Variants in ARIH1 observed in about 807,000 individuals in gnomAD.
ARIH1 encodes E3 ubiquitin-protein ligase ARIH1.
ARIH1 carries 8 observed loss-of-function variants against 85.0 expected under a neutral mutation model. The ratio of observed to expected loss-of-function variants is 0.09; its 90% CI spans 0.06 to 0.17. The LOEUF (loss-of-function observed/expected upper bound fraction) is 0.17. ARIH1 is among the 10% of genes least tolerant of loss of function. ARIH1 has a pLI of 1.00. For synonymous variants in ARIH1, 238 were observed against 253.6 expected, an observed-to-expected ratio of 0.94 and a Z score of 0.59; for missense variants, 311 against 718.1, an observed-to-expected ratio of 0.43 and a Z score of 6.48.
In ARIH1 at chr15:72,474,595, C is replaced by G; in HGVS notation, c.-45C>G. 2.0e-6 allele frequency: 3 copies of G among 1,491,720 alleles called. No individual in the cohort carries two copies. The highest frequency in any genetic ancestry group is 2.7e-6 in the Non-Finnish European group (3 of 1,123,828). The allele number at this position is 1,491,720 out of a possible 1,614,324, so 92.4% of individuals were successfully genotyped here. On this transcript the variant is annotated 5_prime_UTR_variant, in exon 1 of 14. Transcript: ENST00000379887. ...GCCGGGGCCTCGGCGTCCCCGCCCT[C>G]TCCCCGCCTCGGCCAGCGTCCGCCG...
rs1468313897 is a variant in ARIH1 at position 72,581,008 on chromosome 15, G to T, written c.1476+17G>T. ...ATCTTTGAGGTAGGAGTAGTTCTGG[G>T]TGAGGAAAAAGCCCACCTTGTATCA... On this transcript the variant is annotated intron_variant, in intron 12 of 13. Coordinates refer to ENST00000379887, the MANE Select transcript of ARIH1 (RefSeq NM_005744.5). The T allele has an allele frequency of 1.2e-6, 2 of 1,605,394 alleles. No homozygotes were observed. The highest frequency in any genetic ancestry group is 1.7e-6 in the Non-Finnish European group (2 of 1,174,288).
rs891038158 is a variant in ARIH1, at chr15:72,601,965, C to T, written c.*18673C>T. ...TTTTTATTAATACAGATACTATATG[C>T]ATTTTCTGCACTTTATCTGTTAATA... On this transcript the variant is annotated 3_prime_UTR_variant, in exon 14 of 14. Coordinates refer to ENST00000379887, the MANE Select transcript of ARIH1 (RefSeq NM_005744.5). 1 of 152,090 alleles carries T rather than the reference C, an allele frequency of 6.6e-6. No individual in the cohort carries two copies. 9.4% of individuals were successfully genotyped at this position (152,090 alleles called of 1,614,324 possible).
chr15:72,474,520 G>A lies in ARIH1; in HGVS notation c.-120G>A, dbSNP rs1222595682. ...CTCCTGGGGAGGAGCCGCGGCTCGCGGGGCCGGAGCCAGGCCTGCGTCCGG... is the reference window on the plus strand; with the variant it reads ...CTCCTGGGGAGGAGCCGCGGCTCGCAGGGCCGGAGCCAGGCCTGCGTCCGG... On this transcript the variant is annotated 5_prime_UTR_variant, in exon 1 of 14. Transcript: ENST00000379887. 2 of 1,290,774 alleles carry A rather than the reference G, an allele frequency of 1.5e-6. No homozygotes were observed. Among genetic ancestry groups the A allele is most frequent in the Non-Finnish European group, 2.0e-6 (2 of 987,408 alleles). 80.0% of individuals were successfully genotyped at this position (1,290,774 alleles called of 1,614,324 possible).
chr15:72,561,897 C>T (rs1430328367), intron 6 of ARIH1, among the ~76,000 whole-genome samples: 2 of 152,134 alleles, frequency 1.3e-5, no homozygotes, highest in Non-Finnish European at 2.9e-5. Flanking sequence ...CGCTTGAACC[C>T]TGGAGGCAGA....
At chr15:72,537,022 T>G (rs2064085079) in intron 2 of ARIH1, among the ~76,000 whole-genome samples, 1 of 152,202 alleles carries the variant, frequency 6.6e-6, no homozygotes, top group South Asian at 2.1e-4. Flanking sequence ...TACCCATTTT[T>G]TTTTAGAGAT....
chr15:72,482,924 C>G, intron 1 of ARIH1, among the ~76,000 whole-genome samples: 1 of 151,356 alleles, frequency 6.6e-6, no homozygotes, highest in Non-Finnish European at 1.5e-5. Flanking sequence ...CATTGCAACC[C>G]TCACCTCTTG....
Position 72,474,416 on chromosome 15 carries a change from C to A in ARIH1, c.-224C>A. 1.7e-6 allele frequency: 1 copy of A among 577,934 alleles called. No individual in the cohort carries two copies. The highest frequency in any genetic ancestry group is 1.9e-5 in the South Asian group (1 of 51,608). 35.8% of individuals were successfully genotyped at this position (577,934 alleles called of 1,614,324 possible). On this transcript the variant is annotated 5_prime_UTR_variant, in exon 1 of 14. Transcript: ENST00000379887. Reference sequence around the variant, plus strand: ...CGGAGCCGCGTCTGACTGAGGCGGGCAGCAAGCGGCCCCCTCGCTCCCTCC... The same window carrying A: ...CGGAGCCGCGTCTGACTGAGGCGGGAAGCAAGCGGCCCCCTCGCTCCCTCC...
In ARIH1 at chr15:72,486,543, G is replaced by A. The variant is rs146413924; in HGVS notation, c.375+11529G>A. Among the ~76,000 whole-genome samples, 67 of 152,190 alleles carry A rather than the reference G, an allele frequency of 4.4e-4. 1 individual carries two copies. Among genetic ancestry groups the A allele is most frequent in the African/African-American group, 1.6e-3 (65 of 41,522 alleles). ...GTAATGTCTCATTTGATACAGCTTGGGGTATAGTTGATGCCCAGTTAGTGT... is the reference window on the plus strand; with the variant it reads ...GTAATGTCTCATTTGATACAGCTTGAGGTATAGTTGATGCCCAGTTAGTGT... On this transcript the variant is annotated intron_variant, in intron 1 of 13. Coordinates refer to ENST00000379887, the MANE Select transcript of ARIH1 (RefSeq NM_005744.5).
At chr15:72,484,792 C>T (rs1408252556) in intron 1 of ARIH1, among the ~76,000 whole-genome samples, 7 of 149,960 alleles carry the variant, frequency 4.7e-5, no homozygotes, top group Non-Finnish European at 5.9e-5. Flanking sequence ...TATATATACA[C>T]ACACACACAC....
chr15:72,555,219 G>A (rs2064169966), intron 3 of ARIH1, 52 bp from the exon 4 acceptor site: 2 of 1,370,034 alleles, frequency 1.5e-6, no homozygotes, highest in Admixed American at 1.7e-5. Flanking sequence ...ACTGTTTATA[G>A]TGAGTTTTCT....
At chr15:72,487,072 T>C (rs1476228137) in intron 1 of ARIH1, among the ~76,000 whole-genome samples, 1 of 151,700 alleles carries the variant, frequency 6.6e-6, no homozygotes, top group East Asian at 1.9e-4. Context: ...TCTCCTATTA[T>C]TATTATTATT....
intron 3 of ARIH1, 113 bp from the exon 4 acceptor site, chr15:72,555,158 T>C: frequency 1.4e-6 from 1 of 704,722 alleles, no homozygotes; most frequent in Middle Eastern, 2.6e-4. Flanking sequence ...ATTGTCAAAT[T>C]GGACATTTTA....
At chr15:72,485,877 G>T (rs1053344587) in intron 1 of ARIH1, among the ~76,000 whole-genome samples, 1 of 152,140 alleles carries the variant, frequency 6.6e-6, no homozygotes, top group Non-Finnish European at 1.5e-5. Flanking sequence ...AGAAGAATGA[G>T]AATTTATTTA....
chr15:72,524,246 C>CTTTTT, intron 2 of ARIH1, among the ~76,000 whole-genome samples: 1 of 123,936 alleles, frequency 8.1e-6, no homozygotes, highest in Non-Finnish European at 1.7e-5. Flanking sequence ...TGTGCCCGGC[C>CTTTTT]TTTTTTTTTT....
At chr15:72,491,008 C>T (rs1033838374) in intron 1 of ARIH1, among the ~76,000 whole-genome samples, 9 of 151,886 alleles carry the variant, frequency 5.9e-5, no homozygotes, top group East Asian at 3.9e-4. Flanking sequence ...CCCAGCTACT[C>T]GGGAGGCTGA....
chr15:72,497,372 T>A (rs1236542101), intron 1 of ARIH1, among the ~76,000 whole-genome samples: 1 of 152,212 alleles, frequency 6.6e-6, no homozygotes, highest in Non-Finnish European at 1.5e-5. Flanking sequence ...GATTAAGAAA[T>A]TCTATTTAAA....
chr15:72,546,700 G>GT (rs1054511579), intron 3 of ARIH1, among the ~76,000 whole-genome samples: 14 of 151,078 alleles, frequency 9.3e-5, no homozygotes, highest in African/African-American at 1.5e-4. Context: ...TTGTTTGTTT[G>GT]TTTTTTTTGT....
At chr15:72,518,664 T>C (rs1427705840) in intron 2 of ARIH1, among the ~76,000 whole-genome samples, 1 of 152,044 alleles carries the variant, frequency 6.6e-6, no homozygotes, top group Non-Finnish European at 1.5e-5. Context: ...GGCGTATGCC[T>C]GTAGTTCCAG....
intron 1 of ARIH1, among the ~76,000 whole-genome samples, chr15:72,477,206 A>G (rs1229687753): frequency 6.6e-6 from 1 of 152,030 alleles, no homozygotes; most frequent in Non-Finnish European, 1.5e-5. Flanking sequence ...TGGGCTTGGT[A>G]TTTCTTTTTT....
Sources: gnomAD v4.1 joint callset for allele counts (sites outside exome capture counted in the v4.1 genomes callset) on GRCh38, gnomAD v4.1.1 for gene constraint, MANE v1.5 for transcripts, NCBI Gene and HGNC (gene_info 2026-07-23, HGNC 2026-07-21) for gene names.